The following CREB5 variants were observed in gnomAD, a reference collection of about 807,000 sequenced individuals.
The protein encoded by CREB5 is cyclic AMP-responsive element-binding protein 5.
In CREB5, 19 loss-of-function variants were observed where a neutral mutation model predicts 57.1. The observed-to-expected ratio is 0.33, with a 90% CI of 0.23 to 0.49. The LOEUF is 0.49. Ranked by LOEUF, CREB5 falls within the 20% of genes least tolerant of loss-of-function variation. The pLI, the probability that CREB5 is intolerant of heterozygous loss-of-function variation, is 0.99. For synonymous variants in CREB5, 238 were observed against 238.3 expected (o/e 1.00, Z 0.01); for missense variants, 579 against 671.6 (o/e 0.86, Z 1.52).
intron 1 of CREB5, among the ~76,000 whole-genome samples, chr7:28,307,623 TG>T (rs748563950): frequency 2.6e-5 from 4 of 152,268 alleles, no homozygotes; most frequent in Non-Finnish European, 4.4e-5. Flanking sequence ...CTTCTCAACC[TG>T]GCTTCTAAAA....
chr7:28,436,271 G>A (rs1265164994), intron 1 of CREB5, among the ~76,000 whole-genome samples: 3 of 152,062 alleles, frequency 2.0e-5, no homozygotes, highest in Non-Finnish European at 2.9e-5. Context: ...GTACATTTGT[G>A]CATATGGCCT....
At chr7:28,793,040 G>GTGCTTTGCT (rs1807819109) in intron 7 of CREB5, among the ~76,000 whole-genome samples, 1 of 152,192 alleles carries the variant, frequency 6.6e-6, no homozygotes, top group Non-Finnish European at 1.5e-5. Context: ...GCCAAAGGAA[G>GTGCTTTGCT]TAAGGCAGGT....
At chr7:28,603,024 TA>T in intron 5 of CREB5, among the ~76,000 whole-genome samples, 1 of 152,346 alleles carries the variant, frequency 6.6e-6, no homozygotes, top group South Asian at 2.1e-4. Flanking sequence ...TGTAAATCTA[TA>T]ATTTTCTCCA....
chr7:28,640,507 C>A (rs948661130), intron 5 of CREB5, among the ~76,000 whole-genome samples: 2 of 152,306 alleles, frequency 1.3e-5, no homozygotes, highest in Admixed American at 6.5e-5. Context: ...TATATCATTT[C>A]TATCACATGA....
rs572234473 is a variant in CREB5 at position 28,534,651 on chromosome 7, C to A, written c.291+26914C>A. Among the ~76,000 whole-genome samples, 4 of 151,886 alleles carry A rather than the reference C, an allele frequency of 2.6e-5. No homozygotes were observed. The South Asian group carries it at 8.3e-4, about 32-fold the overall frequency. ...TTCCTTCTCTTCATCTCGACTTCCT[C>A]TTTCATTTACCTTACTTTCCTTCAC... On this transcript the variant is annotated intron_variant, in intron 4 of 10. Transcript: ENST00000357727.
At chr7:28,758,413 T>C (rs1195378497) in intron 7 of CREB5, among the ~76,000 whole-genome samples, 2 of 152,196 alleles carry the variant, frequency 1.3e-5, no homozygotes, top group Non-Finnish European at 2.9e-5. Context: ...GTCTATGTCA[T>C]GTTCAAGCCA....
intron 9 of CREB5, 101 bp downstream of exon 9, chr7:28,809,515 C>T: frequency 9.4e-7 from 1 of 1,058,594 alleles, no homozygotes; most frequent in East Asian, 2.6e-5. Context: ...TGATACCACA[C>T]ACTTAGTCCA....
intron 1 of CREB5, among the ~76,000 whole-genome samples, chr7:28,361,403 T>C (rs181498487): frequency 1.3e-5 from 2 of 152,306 alleles, no homozygotes; most frequent in East Asian, 3.9e-4. Context: ...CCTCCAATCA[T>C]TGTGAGGCCT....
At chr7:28,650,113 C>A (rs916271050) in intron 5 of CREB5, among the ~76,000 whole-genome samples, 2 of 152,188 alleles carry the variant, frequency 1.3e-5, no homozygotes, top group African/African-American at 4.8e-5. Flanking sequence ...CTGCTAATCA[C>A]TGTTATACTT....
chr7:28,736,610 C>A (rs1803993537), intron 7 of CREB5, among the ~76,000 whole-genome samples: 1 of 152,094 alleles, frequency 6.6e-6, no homozygotes, highest in Non-Finnish European at 1.5e-5. Flanking sequence ...CAGCAAGTGG[C>A]CAACAAGGAT....
chr7:28,676,213 C>A (rs1323713950), intron 5 of CREB5, among the ~76,000 whole-genome samples: 1 of 150,364 alleles, frequency 6.7e-6, no homozygotes, highest in Non-Finnish European at 1.5e-5. Context: ...AGGTTCACTG[C>A]CTCTTCCTCC....
At chr7:28,568,359 A>C (rs1489020789) in intron 4 of CREB5, among the ~76,000 whole-genome samples, 2 of 152,236 alleles carry the variant, frequency 1.3e-5, no homozygotes, top group African/African-American at 2.4e-5. Flanking sequence ...GACTATGAAC[A>C]AGATGAAAAA....
intron 5 of CREB5, among the ~76,000 whole-genome samples, chr7:28,697,692 C>A (rs1418501800): frequency 1.8e-4 from 28 of 152,188 alleles, no homozygotes; most frequent in Non-Finnish European, 2.9e-5. Flanking sequence ...ATCTCCAGAA[C>A]CAATGGGGAT....
chr7:28,350,608 G>C (rs867840844), intron 1 of CREB5, among the ~76,000 whole-genome samples: 2 of 152,040 alleles, frequency 1.3e-5, no homozygotes, highest in Non-Finnish European at 1.5e-5. Flanking sequence ...CGAAACGTCT[G>C]CTAGAATTTC....
chr7:28,647,378 C>A (rs1050260169), intron 5 of CREB5, among the ~76,000 whole-genome samples: 3 of 151,870 alleles, frequency 2.0e-5, no homozygotes, highest in Non-Finnish European at 4.4e-5. Context: ...GAAATTCCCC[C>A]CAAAAGAGGA....
chr7:28,391,141 T>G lies in CREB5; in HGVS notation c.-25+91700T>G, dbSNP rs369274830. Among the ~76,000 whole-genome samples, 29 of 152,338 alleles carry G rather than the reference T, an allele frequency of 1.9e-4. No individual in the cohort carries two copies. In the East Asian group the frequency reaches 4.2e-3, roughly 22 times the overall value. Reference sequence around the variant, plus strand: ...AATTATCCACTAGGTAAAACAAATATGTTTGTATCATCGCTCAGTTTTCTG... The same window carrying G: ...AATTATCCACTAGGTAAAACAAATAGGTTTGTATCATCGCTCAGTTTTCTG... On this transcript the variant is annotated intron_variant, in intron 1 of 9. Transcript: ENST00000396299.
At position 28,368,077 on chromosome 7, in the gene CREB5, A is replaced by G. The variant is rs200144430; in HGVS notation, c.-25+68636A>G. On this transcript the variant is annotated intron_variant, in intron 1 of 9. Transcript: ENST00000396299. Reference sequence around the variant, plus strand: ...GGATCATGTTACTCCACTGGCTAAAACACTATACAAAAAATAATTACAGGA... The same window carrying G: ...GGATCATGTTACTCCACTGGCTAAAGCACTATACAAAAAATAATTACAGGA... 7.9e-5 allele frequency among the ~76,000 whole-genome samples: 12 copies of G among 152,306 alleles called. No individual in the cohort carries two copies. In the East Asian group the frequency reaches 1.9e-3, roughly 24 times the overall value.
chr7:28,354,367 G>A (rs1017788312), intron 1 of CREB5, among the ~76,000 whole-genome samples: 4 of 152,136 alleles, frequency 2.6e-5, no homozygotes, highest in South Asian at 2.1e-4. Flanking sequence ...ACATGAAAAG[G>A]TTAGATTGGC....
intron 5 of CREB5, among the ~76,000 whole-genome samples, chr7:28,718,002 G>T (rs768404828): frequency 6.6e-6 from 1 of 152,064 alleles, no homozygotes; most frequent in Non-Finnish European, 1.5e-5. Flanking sequence ...TTGTTTTCTG[G>T]CAAATTGAAG....
Sources: allele counts gnomAD v4.1 joint callset (sites outside exome capture counted in the v4.1 genomes callset), GRCh38; gene constraint gnomAD v4.1.1; transcripts MANE v1.5; gene names NCBI Gene and HGNC (gene_info 2026-07-23, HGNC 2026-07-21).